The following ZNF610 variants were observed in gnomAD, a reference collection of about 807,000 sequenced individuals.
ZNF610 encodes the protein zinc finger protein 610.
ZNF610 carries 14 observed loss-of-function variants against 14.1 expected under a neutral mutation model. The ratio of observed to expected loss-of-function variants is 0.99; its 90% CI spans 0.65 to 1.55. ZNF610 has a LOEUF of 1.55. Ranked by LOEUF, ZNF610 falls within the 40% of genes most tolerant of loss-of-function variation. The pLI is 0.00. For missense variants in ZNF610, 530 were observed against 558.0 expected, an observed-to-expected ratio of 0.95 and a Z score of 0.51; for synonymous variants, 185 against 187.6, an observed-to-expected ratio of 0.99 and a Z score of 0.11.
intron 1 of ZNF610, among the ~76,000 whole-genome samples, chr19:52,339,955 G>A (rs1325637448): frequency 6.6e-6 from 1 of 152,186 alleles, no homozygotes; most frequent in Non-Finnish European, 1.5e-5. Flanking sequence ...CACCGATCCT[G>A]GCTGGAAACC....
chr19:52,335,292 C>G (rs1568642424), upstream of ZNF610, among the ~76,000 whole-genome samples: 1 of 152,154 alleles, frequency 6.6e-6, no homozygotes, highest in Non-Finnish European at 1.5e-5. Flanking sequence ...GAAAAAAAAG[C>G]AGTTGGTGGT....
intron 1 of ZNF610, among the ~76,000 whole-genome samples, chr19:52,338,243 T>G (rs982851325): frequency 6.6e-5 from 10 of 152,206 alleles, no homozygotes; most frequent in Non-Finnish European, 1.0e-4. Context: ...CCATGACCCT[T>G]TCCTCACATT....
chr19:52,366,459 C>CT lies in ZNF610; in HGVS notation c.1081_1082insT (p.Arg361LeufsTer7). The CT allele has an allele frequency of 1.2e-6, 2 of 1,614,100 alleles. No individual in the cohort carries two copies. The highest frequency in any genetic ancestry group is 1.7e-6 in the Non-Finnish European group (2 of 1,180,036). On this transcript the variant is annotated frameshift_variant, in exon 6 of 6. Transcript: ENST00000403906. LOFTEE classifies it low-confidence loss of function (END_TRUNC). ...CTTTAGTCTGCTTTCATACCTTGCA[C>CT]GGCATCAAATAATTCATAGTACAGA...
chr19:52,358,383 C>T (rs1223076404), intron 5 of ZNF610, among the ~76,000 whole-genome samples: 2 of 152,264 alleles, frequency 1.3e-5, no homozygotes, highest in East Asian at 3.9e-4. Context: ...GAGGTTTTAC[C>T]ATGTTCACCA....
chr19:52,356,983 A>G (rs321942), intron 5 of ZNF610, among the ~76,000 whole-genome samples: 49,946 of 152,014 alleles, frequency 0.33, 9,209 homozygotes, highest in African/African-American at 0.51. Context: ...CTTGAATTCT[A>G]TTCTGATGCT....
chr19:52,344,344 A>T (rs932752067), intron 1 of ZNF610, among the ~76,000 whole-genome samples: 2 of 150,234 alleles, frequency 1.3e-5, no homozygotes, highest in African/African-American at 4.9e-5. Flanking sequence ...CCGATTTAAC[A>T]CTCCAGCCTG....
chr19:52,366,792 T>C lies in ZNF610; in HGVS notation c.*25T>C. On this transcript the variant is annotated 3_prime_UTR_variant, in exon 6 of 6. Coordinates refer to ENST00000403906, the MANE Select transcript of ZNF610 (RefSeq NM_001161425.2). ...AATGTGGCAAAATCTTTAGTTAGAA[T>C]TCACACCTAGCACAACATTGGAGGA... The C allele has an allele frequency of 1.9e-6, 3 of 1,565,424 alleles. No individual in the cohort carries two copies. The highest frequency in any genetic ancestry group is 2.6e-6 in the Non-Finnish European group (3 of 1,143,482).
intron 3 of ZNF610, among the ~76,000 whole-genome samples, chr19:52,350,129 C>T (rs1357864286): frequency 6.6e-6 from 1 of 152,114 alleles, no homozygotes; most frequent in Non-Finnish European, 1.5e-5. Context: ...GAGATTGGAG[C>T]ATAAATTTTT....
At chr19:52,348,454 GA>G (rs1255027567) in intron 2 of ZNF610, among the ~76,000 whole-genome samples, 1 of 151,968 alleles carries the variant, frequency 6.6e-6, no homozygotes. Flanking sequence ...CCTGGATTTG[GA>G]TCCTAGAAAT....
intron 1 of ZNF610, among the ~76,000 whole-genome samples, chr19:52,339,114 A>G (rs1600228812): frequency 6.6e-6 from 1 of 152,062 alleles, no homozygotes; most frequent in African/African-American, 2.4e-5. Context: ...ATCTTGGTGC[A>G]GTAAAGAGCA....
intron 1 of ZNF610, among the ~76,000 whole-genome samples, chr19:52,341,341 C>G (rs143542650): frequency 6.6e-6 from 1 of 151,916 alleles, no homozygotes; most frequent in Admixed American, 6.6e-5. Flanking sequence ...GACAGAGTCT[C>G]GCTTTGTCAT....
At chr19:52,353,847 A>C (rs936488490) in intron 4 of ZNF610, 39 bp downstream of exon 4, 3 of 1,583,224 alleles carry the variant, frequency 1.9e-6, no homozygotes, top group Non-Finnish European at 2.6e-6. Context: ...GATCTGCTCT[A>C]ATCTGTCTTT....
chr19:52,365,832 GA>G lies in ZNF610; in HGVS notation c.458del (p.Lys153SerfsTer72), dbSNP rs1985996939. 1 of 1,614,174 alleles carries G rather than the reference GA, an allele frequency of 6.2e-7. No homozygotes were observed. Among genetic ancestry groups the G allele is most frequent in the South Asian group, 1.1e-5 (1 of 91,076 alleles). ...GAAAATTTACAGAAGTAATCAAGTTGAAAAGTTTACAAACCATCGTTCCTCA... is the reference window on the plus strand; with the variant it reads ...GAAAATTTACAGAAGTAATCAAGTTGAAAGTTTACAAACCATCGTTCCTCA... ...GRKIYRSNQV[E>X]KFTNHRSSVS... On this transcript the variant is annotated frameshift_variant, in exon 6 of 6. Coordinates refer to ENST00000403906, the MANE Select transcript of ZNF610 (RefSeq NM_001161425.2). LOFTEE classifies it low-confidence loss of function (END_TRUNC).
In ZNF610 at chr19:52,365,679, A is replaced by C; in HGVS notation, c.320-19A>C. On this transcript the variant is annotated intron_variant, in intron 5 of 5. Transcript: ENST00000403906. ...TGCCAGAATCATGGGTTCATGTTCT[A>C]CTCTTTCTTCTTTTCTAGGGAGGAG... 1 of 1,578,042 alleles carries C rather than the reference A, an allele frequency of 6.3e-7. No individual in the cohort carries two copies. Among genetic ancestry groups the C allele is most frequent in the Non-Finnish European group, 8.6e-7 (1 of 1,164,440 alleles).
At chr19:52,346,577 C>T (rs1984970144) in intron 1 of ZNF610, among the ~76,000 whole-genome samples, 1 of 152,030 alleles carries the variant, frequency 6.6e-6, no homozygotes, top group African/African-American at 2.4e-5. Context: ...GGGTTACAGG[C>T]GTGAGCCACC....
In ZNF610 at chr19:52,352,043, A is replaced by T. The variant is rs537255803; in HGVS notation, c.64-1639A>T. 3.3e-5 allele frequency among the ~76,000 whole-genome samples: 5 copies of T among 152,160 alleles called. No individual in the cohort carries two copies. In the East Asian group the frequency reaches 9.7e-4, roughly 29 times the overall value. ...CTGTTTAATTTTTGTCTCCAGGGGG[A>T]CAGAAAGGTCTGTGGCTTCGCATTC... On this transcript the variant is annotated intron_variant, in intron 3 of 5. Coordinates refer to ENST00000403906, the MANE Select transcript of ZNF610 (RefSeq NM_001161425.2).
At chr19:52,335,067 TGGGG>T (rs3029517), upstream of ZNF610, among the ~76,000 whole-genome samples, 3 of 149,688 alleles carry the variant, frequency 2.0e-5, no homozygotes, top group African/African-American at 7.3e-5. Context: ...GGCCGGGGCG[TGGGG>T]GGGGGGTGTG....
At position 52,352,785 on chromosome 19, in the gene ZNF610, G is replaced by A. The variant is rs145226408; in HGVS notation, c.64-897G>A. 3.6e-3 allele frequency among the ~76,000 whole-genome samples: 550 copies of A among 151,808 alleles called. 3 individuals are homozygous for A. Among genetic ancestry groups the A allele is most frequent in the African/African-American group, 0.013 (523 of 41,366 alleles). On this transcript the variant is annotated intron_variant, in intron 3 of 5. Coordinates refer to ENST00000403906, the MANE Select transcript of ZNF610 (RefSeq NM_001161425.2). ...TTAAATTAGAGGAAATGCATCCCAC[G>A]TTTACTGTTGATTATGATGTTTTAT...
chr19:52,349,071 G>A, intron 2 of ZNF610, 83 bp from the exon 3 acceptor site: 1 of 967,496 alleles, frequency 1.0e-6, no homozygotes, highest in Non-Finnish European at 1.6e-6. Flanking sequence ...CGCAGGATTA[G>A]GTCTAACCTG....
Sources: allele counts gnomAD v4.1 joint callset (sites outside exome capture counted in the v4.1 genomes callset), GRCh38; gene constraint gnomAD v4.1.1; transcripts MANE v1.5; gene names NCBI Gene and HGNC (gene_info 2026-07-23, HGNC 2026-07-21).